Variants in OLFML2B observed in about 807,000 individuals in gnomAD.
OLFML2B encodes olfactomedin like 2B, also known as olfactomedin-like protein 2B.
A neutral mutation model predicts 74.9 loss-of-function variants in OLFML2B; 57 were observed. The observed-to-expected ratio is 0.76, with a 90% CI of 0.61 to 0.95. OLFML2B has a LOEUF of 0.95. Among genes scored for constraint, OLFML2B ranks in the 40% least tolerant of loss-of-function variants. OLFML2B has a pLI of 0.00. For synonymous variants in OLFML2B, 388 were observed against 405.8 expected (o/e 0.96, Z 0.53); for missense variants, 986 against 970.6 (o/e 1.02, Z -0.21).
Position 161,998,147 on chromosome 1 carries a change from G to A in OLFML2B, c.1152C>T (p.Ser384=). 6.2e-7 allele frequency: 1 copy of A among 1,613,984 alleles called. No homozygotes were observed. Among genetic ancestry groups the A allele is most frequent in the Non-Finnish European group, 8.5e-7 (1 of 1,180,058 alleles). The part of the protein sequence containing the change: ...ALPQPSTSDP[S]IANHASVGPT... Reference sequence around the variant, plus strand: ...GTCCCACTGAGGCATGGTTGGCGATGCTGGGATCTGAGGTCGAGGGCTGTG... The same window carrying A: ...GTCCCACTGAGGCATGGTTGGCGATACTGGGATCTGAGGTCGAGGGCTGTG... The change falls in exon 6 of 8, where the codon AGC becomes AGT. Residue 384 remains serine (S), a synonymous_variant. Coordinates refer to ENST00000294794, the MANE Select transcript of OLFML2B (RefSeq NM_015441.3).
intron 1 of OLFML2B, among the ~76,000 whole-genome samples, chr1:162,021,175 G>C (rs1290431651): frequency 6.6e-6 from 1 of 152,212 alleles, no homozygotes; most frequent in Non-Finnish European, 1.5e-5. Flanking sequence ...GGTTAGATGT[G>C]GAGAAAGGGA....
chr1:162,013,357 A>G (rs1690446480), intron 3 of OLFML2B, among the ~76,000 whole-genome samples: 1 of 152,176 alleles, frequency 6.6e-6, no homozygotes, highest in Non-Finnish European at 1.5e-5. Flanking sequence ...AAACTGGTTT[A>G]TGAGGTTTCA....
chr1:162,016,049 T>G (rs1287707518), intron 3 of OLFML2B, among the ~76,000 whole-genome samples: 1 of 152,206 alleles, frequency 6.6e-6, no homozygotes, highest in Non-Finnish European at 1.5e-5. Flanking sequence ...AAGGAACTAG[T>G]GTTCACTTTC....
Position 161,983,997 on chromosome 1 carries a change from T to C in OLFML2B, c.1931A>G (p.Glu644Gly). Reference sequence around the variant, plus strand: ...ATTGAGCTTGCTCAGGACAATGACCTCCTGGCTGAAGCCCTCATCGTCCAG... The same window carrying C: ...ATTGAGCTTGCTCAGGACAATGACCCCCTGGCTGAAGCCCTCATCGTCCAG... The part of the protein sequence containing the change: ...PALDDEGFSQ[E>G]VIVLSKLNAA... Residue 644 changes from glutamate to glycine, a missense_variant, in exon 8 of 8, where the codon GAG becomes GGG. By Grantham distance (98) the Glu-to-Gly change is moderately conservative. Transcript: ENST00000294794. The C allele has an allele frequency of 1.2e-6, 2 of 1,614,214 alleles. No individual in the cohort carries two copies. The highest frequency in any genetic ancestry group is 1.3e-5 in the African/African-American group (1 of 75,054).
intron 6 of OLFML2B, among the ~76,000 whole-genome samples, chr1:161,994,974 A>G (rs756572971): frequency 6.6e-6 from 1 of 152,218 alleles, no homozygotes; most frequent in Non-Finnish European, 1.5e-5. Context: ...AAGCTTTCCC[A>G]GGTAGCAAAT....
In OLFML2B at chr1:162,020,199, C is replaced by T. The variant is rs758331634; in HGVS notation, c.175-17G>A. On this transcript the variant is annotated splice_polypyrimidine_tract_variant and intron_variant, in intron 1 of 7. Transcript: ENST00000294794. ...CCCCAGCAACTAGACACACAGAAAACGGGTTAGGGGCATGCAAACACAGGT... is the reference window on the plus strand; with the variant it reads ...CCCCAGCAACTAGACACACAGAAAATGGGTTAGGGGCATGCAAACACAGGT... 24 of 1,613,100 alleles carry T rather than the reference C, an allele frequency of 1.5e-5. No homozygotes were observed. The highest frequency in any genetic ancestry group is 6.7e-5 in the East Asian group (3 of 44,872).
At chr1:162,009,591 TGCCCCTGAGAACC>T (rs1690318218) in intron 3 of OLFML2B, among the ~76,000 whole-genome samples, 1 of 152,342 alleles carries the variant, frequency 6.6e-6, no homozygotes, top group Middle Eastern at 3.4e-3. Flanking sequence ...TAGGCAAGCC[TGCCCCTGAGAACC>T]CAGAGAAGCA....
intron 6 of OLFML2B, 50 bp downstream of exon 6, chr1:161,997,775 C>G (rs1689953085): frequency 6.5e-7 from 1 of 1,542,226 alleles, no homozygotes; most frequent in Non-Finnish European, 8.8e-7. Context: ...CCAGGCTCAG[C>G]CTTTTACCTG....
At chr1:162,013,351 T>TG (rs796347673) in intron 3 of OLFML2B, among the ~76,000 whole-genome samples, 1 of 152,318 alleles carries the variant, frequency 6.6e-6, no homozygotes, top group African/African-American at 2.4e-5. Context: ...GTTTTAAAAC[T>TG]GGTTTATGAG....
chr1:162,007,293 C>T (rs762534316), intron 3 of OLFML2B, among the ~76,000 whole-genome samples: 1 of 152,152 alleles, frequency 6.6e-6, no homozygotes, highest in Non-Finnish European at 1.5e-5. Flanking sequence ...ATGTCAGGTT[C>T]TGTAAATACC....
chr1:162,010,001 C>T (rs6699250), intron 3 of OLFML2B, among the ~76,000 whole-genome samples: 150,692 of 152,342 alleles, frequency 0.99, 74,546 homozygotes, highest in Middle Eastern at 1. Flanking sequence ...CTGGTGTGTG[C>T]AACTTGGCTC....
intron 6 of OLFML2B, among the ~76,000 whole-genome samples, chr1:161,995,644 T>C (rs1689874960): frequency 6.6e-6 from 1 of 152,100 alleles, no homozygotes. Flanking sequence ...AGTGAACAAC[T>C]CACTCCTGGC....
intron 4 of OLFML2B, among the ~76,000 whole-genome samples, chr1:162,002,740 CT>C (rs1337147266): frequency 6.6e-6 from 1 of 152,204 alleles, no homozygotes; most frequent in Non-Finnish European, 1.5e-5. Context: ...CCAGCCTCCC[CT>C]GTCTGCCCAG....
At chr1:162,022,244 CTTTTTTTTTT>C (rs56395023) in intron 1 of OLFML2B, among the ~76,000 whole-genome samples, 2 of 70,738 alleles carry the variant, frequency 2.8e-5, no homozygotes, top group Admixed American at 1.9e-4. Flanking sequence ...TGTATCTCTT[CTTTTTTTTTT>C]TTTTTTTTTT....
Position 161,987,745 on chromosome 1 carries a change from G to A in OLFML2B, c.1475-2765C>T, listed in dbSNP as rs1170107981. 5.9e-5 allele frequency among the ~76,000 whole-genome samples: 9 copies of A among 152,280 alleles called. No individual in the cohort carries two copies. In the South Asian group the frequency reaches 8.3e-4, roughly 14 times the overall value. ...AGATGGAGTCAGCTTCTTGGGTTAG[G>A]GCACCCTTATTTCTGCAGGAAGAGG... is the stretch of plus-strand genomic sequence containing the variant. On this transcript the variant is annotated intron_variant, in intron 6 of 7. Transcript: ENST00000294794.
rs936831329 is a variant in OLFML2B, at chr1:161,983,350, T to C, written c.*325A>G. ...TTGCCTGCCTCCTGCAAGACCCAGA[T>C]GAAGAAACCTTTTCAATGGTCGAGA... On this transcript the variant is annotated 3_prime_UTR_variant, in exon 8 of 8. Coordinates refer to ENST00000294794, the MANE Select transcript of OLFML2B (RefSeq NM_015441.3). The C allele has an allele frequency of 2.0e-5, 4 of 197,102 alleles. No homozygotes were observed. Among genetic ancestry groups the C allele is most frequent in the African/African-American group, 4.7e-5 (2 of 42,948 alleles). The allele number at this position is 197,102 out of a possible 1,614,324, so 12.2% of individuals were successfully genotyped here. A position where few individuals can be genotyped will look rare whatever the true frequency, so the allele number is the denominator to read the frequency against.
chr1:161,998,065 G>C lies in OLFML2B; in HGVS notation c.1234C>G (p.Pro412Ala). 6.2e-7 allele frequency: 1 copy of C among 1,614,010 alleles called. No homozygotes were observed. Among genetic ancestry groups the C allele is most frequent in the Non-Finnish European group, 8.5e-7 (1 of 1,180,002 alleles). The stretch of plus-strand genomic sequence containing the variant: ...GTGGTGGCTGGTACCTGAGGAGAAG[G>C]CTGCAGGACTGACTCCCTTGTGGGA... ...PDPTRESVLQ[P>A]SPQVPATTVA... The change falls in exon 6 of 8, where the codon CCT becomes GCT. Residue 412 changes from proline to alanine, a missense_variant. Transcript: ENST00000294794.
At chr1:162,010,117 G>A (rs2101972075) in intron 3 of OLFML2B, among the ~76,000 whole-genome samples, 1 of 152,362 alleles carries the variant, frequency 6.6e-6, no homozygotes, top group South Asian at 2.1e-4. Context: ...CTGAAGAAGA[G>A]GGAAGGGAAG....
At chr1:162,017,320 G>T in intron 3 of OLFML2B, 80 bp downstream of exon 3, 1 of 1,027,086 alleles carries the variant, frequency 9.7e-7, no homozygotes, top group Non-Finnish European at 1.5e-6. Context: ...ACATGTGCTA[G>T]CTGAAAATTT....
Sources: gnomAD v4.1 joint callset for allele counts (sites outside exome capture counted in the v4.1 genomes callset) on GRCh38, gnomAD v4.1.1 for gene constraint, MANE v1.5 for transcripts, NCBI Gene and HGNC (gene_info 2026-07-23, HGNC 2026-07-21) for gene names.